Variants in SMAP1 observed in about 807,000 individuals in gnomAD.
SMAP1 encodes stromal membrane-associated protein 1.
SMAP1 carries 24 observed loss-of-function variants against 58.5 expected under a neutral mutation model. That is an observed-to-expected ratio of 0.41 (90% CI 0.30 to 0.58). The LOEUF (loss-of-function observed/expected upper bound fraction) is 0.58, where lower values mean the gene tolerates loss of function less well. SMAP1 is among the 20% of genes least tolerant of loss of function. The pLI is 0.29. For synonymous variants in SMAP1, 216 were observed against 196.6 expected (o/e 1.10, Z -0.82); for missense variants, 563 against 566.3 (o/e 0.99, Z 0.06).
intron 1 of SMAP1, among the ~76,000 whole-genome samples, chr6:70,707,925 T>C (rs1435492860): frequency 1.3e-5 from 2 of 152,196 alleles, no homozygotes; most frequent in Non-Finnish European, 2.9e-5. Context: ...CAAATCAACA[T>C]ATCCACCACT....
At chr6:70,685,338 G>A (rs1766893766) in intron 1 of SMAP1, among the ~76,000 whole-genome samples, 1 of 150,206 alleles carries the variant, frequency 6.7e-6, no homozygotes. Context: ...AGACATTAGT[G>A]AGAGATACAC....
chr6:70,742,813 G>A (rs748648526), intron 2 of SMAP1, among the ~76,000 whole-genome samples: 3 of 152,176 alleles, frequency 2.0e-5, no homozygotes, highest in Non-Finnish European at 4.4e-5. Flanking sequence ...CACAATCATG[G>A]CAGAAGGTGA....
chr6:70,787,560 G>GATTTT (rs1361906570), intron 4 of SMAP1, among the ~76,000 whole-genome samples: 2 of 151,984 alleles, frequency 1.3e-5, no homozygotes, highest in Non-Finnish European at 2.9e-5. Flanking sequence ...TCTGACAAAG[G>GATTTT]GCTAATATCC....
intron 4 of SMAP1, among the ~76,000 whole-genome samples, chr6:70,782,012 G>A (rs898396028): frequency 6.6e-6 from 1 of 152,168 alleles, no homozygotes; most frequent in Non-Finnish European, 1.5e-5. Context: ...TCTGAAGAAT[G>A]TCTTTACTGG....
At chr6:70,704,457 C>T in intron 1 of SMAP1, among the ~76,000 whole-genome samples, 1 of 151,400 alleles carries the variant, frequency 6.6e-6, no homozygotes. Flanking sequence ...ATTTTTTTTT[C>T]AAGTCAAATT....
intron 6 of SMAP1, among the ~76,000 whole-genome samples, chr6:70,827,522 A>G (rs547262378): frequency 6.6e-6 from 1 of 152,198 alleles, no homozygotes; most frequent in Non-Finnish European, 1.5e-5. Flanking sequence ...AGTATGGCTA[A>G]ATGGGTAGAT....
At chr6:70,786,641 G>A (rs1001794137) in intron 4 of SMAP1, among the ~76,000 whole-genome samples, 2 of 152,206 alleles carry the variant, frequency 1.3e-5, no homozygotes. Context: ...AAAATCACAA[G>A]CATTCTTATA....
At chr6:70,808,606 G>A (rs544502295) in intron 6 of SMAP1, among the ~76,000 whole-genome samples, 48 of 152,218 alleles carry the variant, frequency 3.2e-4, no homozygotes, top group Non-Finnish European at 5.6e-4. Context: ...GATTTGCCTC[G>A]ATGATCTCTA....
At chr6:70,845,899 A>G (rs961631968) in intron 7 of SMAP1, among the ~76,000 whole-genome samples, 2 of 152,322 alleles carry the variant, frequency 1.3e-5, no homozygotes, top group South Asian at 2.1e-4. Flanking sequence ...TACTTGTTCA[A>G]CTGGAAAGGG....
intron 3 of SMAP1, among the ~76,000 whole-genome samples, chr6:70,761,770 T>C (rs1054990824): frequency 9.2e-5 from 14 of 152,124 alleles, no homozygotes; most frequent in African/African-American, 3.1e-4. Context: ...AATAATCCTA[T>C]GAGATGATAC....
At chr6:70,733,535 G>A (rs1334328370) in intron 2 of SMAP1, among the ~76,000 whole-genome samples, 2 of 152,166 alleles carry the variant, frequency 1.3e-5, no homozygotes, top group African/African-American at 4.8e-5. Context: ...ATGTCATGAT[G>A]TTGTAAGTCT....
chr6:70,761,962 G>A (rs950781418), intron 3 of SMAP1, among the ~76,000 whole-genome samples: 3 of 151,904 alleles, frequency 2.0e-5, no homozygotes, highest in African/African-American at 7.3e-5. Flanking sequence ...ACATATCTAG[G>A]TATAGGTTCA....
Position 70,861,806 on chromosome 6 carries a change from G to C in SMAP1, c.*1472G>C. 2 of 1,613,920 alleles carry C rather than the reference G, an allele frequency of 1.2e-6. No homozygotes were observed. Among genetic ancestry groups the C allele is most frequent in the Non-Finnish European group, 1.7e-6 (2 of 1,179,918 alleles). Reference sequence around the variant, plus strand: ...ACTCTTCATGGTGACACTCGAGGTCGGGCAGCACAAGTGTAATGAATACCT... The same window carrying C: ...ACTCTTCATGGTGACACTCGAGGTCCGGCAGCACAAGTGTAATGAATACCT... On this transcript the variant is annotated 3_prime_UTR_variant, in exon 11 of 11. Transcript: ENST00000370455.
At chr6:70,850,552 A>G (rs964907400) in intron 7 of SMAP1, among the ~76,000 whole-genome samples, 2 of 151,100 alleles carry the variant, frequency 1.3e-5, no homozygotes, top group African/African-American at 4.8e-5. Flanking sequence ...ATATAAGTAT[A>G]TATACATTTT....
intron 6 of SMAP1, among the ~76,000 whole-genome samples, chr6:70,828,576 A>C (rs1364213870): frequency 6.6e-6 from 1 of 152,200 alleles, no homozygotes; most frequent in African/African-American, 2.4e-5. Flanking sequence ...CTCCAGGAGT[A>C]ATATTTTTTC....
chr6:70,787,603 G>GA (rs1311902647), intron 4 of SMAP1, among the ~76,000 whole-genome samples: 5 of 151,212 alleles, frequency 3.3e-5, no homozygotes, highest in African/African-American at 7.3e-5. Context: ...AAATTTACAG[G>GA]AAAAAAACAA....
chr6:70,838,447 T>C (rs541507307), intron 7 of SMAP1, among the ~76,000 whole-genome samples: 2 of 152,282 alleles, frequency 1.3e-5, no homozygotes, highest in Admixed American at 1.3e-4. Context: ...TTAAATAAAA[T>C]ATATTGTAGG....
intron 7 of SMAP1, among the ~76,000 whole-genome samples, chr6:70,844,419 G>A (rs929413954): frequency 6.6e-6 from 1 of 152,118 alleles, no homozygotes; most frequent in Admixed American, 6.6e-5. Flanking sequence ...CATAGTGCCT[G>A]TGCATAAGAG....
chr6:70,781,443 A>G (rs1479938837), intron 4 of SMAP1, among the ~76,000 whole-genome samples: 1 of 152,188 alleles, frequency 6.6e-6, no homozygotes, highest in Non-Finnish European at 1.5e-5. Flanking sequence ...TGGAAATCAT[A>G]TATTTAAAAT....
Sources: allele counts gnomAD v4.1 joint callset (sites outside exome capture counted in the v4.1 genomes callset), GRCh38; gene constraint gnomAD v4.1.1; transcripts MANE v1.5; gene names NCBI Gene and HGNC (gene_info 2026-07-23, HGNC 2026-07-21).